TENM2: variants seen among roughly 807,000 people sequenced by gnomAD.
The protein encoded by TENM2 is teneurin transmembrane protein 2, also known as teneurin-2.
Under a neutral mutation model 245.2 loss-of-function variants are expected in TENM2, and 52 were observed. That is an observed-to-expected ratio of 0.21 (90% confidence interval 0.17 to 0.27). The LOEUF is 0.27. Ranked by LOEUF, TENM2 falls within the 10% of genes least tolerant of loss-of-function variation. The pLI is 1.00. For missense variants in TENM2, 3,046 were observed against 3,666.8 expected, an observed-to-expected ratio of 0.83 and a Z score of 4.37; for synonymous variants, 1,363 against 1,438.9, an observed-to-expected ratio of 0.95 and a Z score of 1.19.
exon 17 of TENM2, chr5:168,199,933 G>A: frequency 6.2e-7 from 1 of 1,614,012 alleles, no homozygotes; most frequent in Non-Finnish European, 8.5e-7. Flanking sequence ...TAGAACTGCA[G>A]GGTACAAGTC....
At chr5:168,090,826 G>GAACATTT (rs1316472192) in intron 8 of TENM2, 57 bp downstream of exon 10, 1 of 1,480,012 alleles carries the variant, frequency 6.8e-7, no homozygotes, top group Non-Finnish European at 9.4e-7. Context: ...AATGTTCTGG[G>GAACATTT]CTTCTCTGCA....
At chr5:167,920,121 T>G (rs972174231) in intron 3 of TENM2, among the ~76,000 whole-genome samples, 1 of 152,064 alleles carries the variant, frequency 6.6e-6, no homozygotes, top group Non-Finnish European at 1.5e-5. Context: ...GCAAAACTGC[T>G]ACGTTTCAGA....
chr5:167,353,555 T>G (rs1235911194), intron 1 of TENM2, among the ~76,000 whole-genome samples: 2 of 120,814 alleles, frequency 1.7e-5, no homozygotes, highest in African/African-American at 3.1e-5. Flanking sequence ...TCGCCCAGGC[T>G]GGAGTGCAGT....
At chr5:167,450,155 TTCTC>T (rs976383658) in intron 2 of TENM2, among the ~76,000 whole-genome samples, 61 of 152,146 alleles carry the variant, frequency 4.0e-4, no homozygotes, top group African/African-American at 1.4e-4. Context: ...CTCTTCTTTT[TTCTC>T]TCTATTTAAA....
At chr5:167,792,716 C>A (rs1765065567) in intron 2 of TENM2, among the ~76,000 whole-genome samples, 1 of 150,104 alleles carries the variant, frequency 6.7e-6, no homozygotes, top group Admixed American at 6.6e-5. Flanking sequence ...GGTCTTACTG[C>A]CTTTTTTGAA....
chr5:167,111,116 A>G, the TENM2 span, among the ~76,000 whole-genome samples: 1 of 152,196 alleles, frequency 6.6e-6, no homozygotes, highest in Non-Finnish European at 1.5e-5. Flanking sequence ...TAGATACATT[A>G]TATTACTTTA....
the TENM2 span, among the ~76,000 whole-genome samples, chr5:167,016,612 A>C: frequency 5.9e-5 from 9 of 152,230 alleles, no homozygotes. Context: ...ATTCCACCTT[A>C]AAAAAGAAGG....
chr5:168,075,433 C>T (rs937064162), intron 7 of TENM2, among the ~76,000 whole-genome samples: 2 of 152,096 alleles, frequency 1.3e-5, no homozygotes, highest in Non-Finnish European at 2.9e-5. Context: ...CCACTTGGAT[C>T]CCTAAAATCT....
In TENM2 at chr5:168,218,128, C is replaced by T; in HGVS notation, c.4237C>T (p.Arg1413Cys). 6.2e-7 allele frequency: 1 copy of T among 1,611,236 alleles called. No individual in the cohort carries two copies. Among genetic ancestry groups the T allele is most frequent in the Non-Finnish European group, 8.5e-7 (1 of 1,177,764 alleles). ...TCTGATACCACGTCATCCACAGGTT[C>T]GTCTGGAGTGGCCAACAGACCTTGC... Residue 1413 changes from arginine (R) to cysteine (C), a missense_variant, in exon 23 of 29, where the codon CGT (arginine) becomes TGT (cysteine). Arg to Cys is a radical substitution (Grantham distance 180, BLOSUM62 -3). Coordinates refer to ENST00000518659, the Ensembl canonical transcript of TENM2. This position sits in a 1 kb window ranked among gnomAD's most constrained non-coding sequence, Gnocchi z 5.2.
At chr5:167,185,960 G>C in the TENM2 span, among the ~76,000 whole-genome samples, 1 of 152,162 alleles carries the variant, frequency 6.6e-6, no homozygotes, top group African/African-American at 2.4e-5. Context: ...AATATCTACA[G>C]ATTCCTTTGG....
intron 5 of TENM2, among the ~76,000 whole-genome samples, chr5:168,013,089 C>A (rs1295574836): frequency 6.6e-6 from 1 of 152,100 alleles, no homozygotes; most frequent in South Asian, 2.1e-4. Context: ...AAGTCTAAAC[C>A]ATTCCCAGCC....
At chr5:167,393,553 T>C (rs1761888611) in intron 2 of TENM2, among the ~76,000 whole-genome samples, 1 of 152,114 alleles carries the variant, frequency 6.6e-6, no homozygotes, top group Non-Finnish European at 1.5e-5. Flanking sequence ...TGCAGCAGAA[T>C]GCAAATTGGG....
At chr5:167,990,457 G>T (rs1783583575) in intron 4 of TENM2, among the ~76,000 whole-genome samples, 1 of 152,158 alleles carries the variant, frequency 6.6e-6, no homozygotes, top group Non-Finnish European at 1.5e-5. Context: ...CCTACACAGT[G>T]TTGCAATCCT....
At chr5:167,616,272 G>C (rs1379764316) in intron 2 of TENM2, among the ~76,000 whole-genome samples, 1 of 152,098 alleles carries the variant, frequency 6.6e-6, no homozygotes, top group Non-Finnish European at 1.5e-5. Context: ...GAAAACATTT[G>C]TTAAACTGTA....
intron 1 of TENM2, among the ~76,000 whole-genome samples, chr5:167,347,998 GA>G: frequency 6.7e-6 from 1 of 149,850 alleles, no homozygotes; most frequent in Non-Finnish European, 1.5e-5. Context: ...TGAGAAGAGA[GA>G]AGAGAAGTGA....
chr5:167,600,573 T>C (rs1776567499), intron 2 of TENM2, among the ~76,000 whole-genome samples: 1 of 152,188 alleles, frequency 6.6e-6, no homozygotes, highest in Non-Finnish European at 1.5e-5. Flanking sequence ...AGTGATTATA[T>C]GTGGTGTTCA....
the TENM2 span, among the ~76,000 whole-genome samples, chr5:167,151,326 T>C: frequency 6.6e-6 from 1 of 152,130 alleles, no homozygotes; most frequent in Non-Finnish European, 1.5e-5. Context: ...CCATGAGACA[T>C]ACCAAGAGAG....
rs142718647 is a variant in TENM2 at position 167,288,869 on chromosome 5, A to G, written c.226+3806A>G. 2.1e-3 allele frequency among the ~76,000 whole-genome samples: 322 copies of G among 152,326 alleles called. 3 individuals are homozygous for G. The highest frequency in any genetic ancestry group is 2.7e-3 in the Non-Finnish European group (181 of 68,016). On this transcript the variant is annotated intron_variant, in intron 1 of 28. Transcript: ENST00000518659. ...TCCCAAAAAAATAAGTAAACAAAAC[A>G]AAAATATCTTTAAATCCTTAGTCAA... is the stretch of plus-strand genomic sequence containing the variant.
At chr5:167,291,263 G>A (rs1258802819) in intron 1 of TENM2, among the ~76,000 whole-genome samples, 2 of 152,076 alleles carry the variant, frequency 1.3e-5, no homozygotes, top group African/African-American at 4.8e-5. Context: ...TATGACTTCA[G>A]TGGCCACTAT....
Sources: gnomAD v4.1 joint callset for allele counts (sites outside exome capture counted in the v4.1 genomes callset) on GRCh38, gnomAD v4.1.1 for gene constraint, Gnocchi (gnomAD v3.1) non-coding constraint, MANE v1.5 for transcripts, NCBI Gene and HGNC (gene_info 2026-07-23, HGNC 2026-07-21) for gene names.